The following EEIG2 variants were observed in gnomAD, a reference collection of about 807,000 sequenced individuals.
The protein encoded by EEIG2 is EEIG family member 2.
the EEIG2 span, chr1:108,560,129 G>GGCGGCGGCGGCA: frequency 5.8e-6 from 1 of 172,912 alleles, no homozygotes; most frequent in African/African-American, 2.6e-5. Flanking sequence ...CGGAGGCGGC[G>GGCGGCGGCGGCA]GCGGCGGCGG....
chr1:108,620,710 G>A, the EEIG2 span, among the ~76,000 whole-genome samples: 1 of 152,110 alleles, frequency 6.6e-6, no homozygotes, highest in Admixed American at 6.6e-5. Context: ...CCATATTTTT[G>A]AGTGAGGACA....
the EEIG2 span, among the ~76,000 whole-genome samples, chr1:108,585,111 G>A: frequency 3.9e-5 from 6 of 152,036 alleles, no homozygotes; most frequent in African/African-American, 9.7e-5. Context: ...TGTAACTTCC[G>A]TCATTATGCT....
At chr1:108,624,581 A>G in the EEIG2 span, 204 of 1,434,938 alleles carry the variant, frequency 1.4e-4, 1 homozygote, top group Non-Finnish European at 1.6e-4. Context: ...AAGCTCACCA[A>G]TCAATAACTA....
At chr1:108,576,695 A>G in the EEIG2 span, among the ~76,000 whole-genome samples, 3,476 of 147,464 alleles carry the variant, frequency 0.024, 46 homozygotes, top group Non-Finnish European at 0.036. Context: ...CCAGTCTATC[A>G]TTGTTGGACA....
At chr1:108,595,651 A>C in the EEIG2 span, among the ~76,000 whole-genome samples, 1 of 144,978 alleles carries the variant, frequency 6.9e-6, no homozygotes, top group Non-Finnish European at 1.5e-5. Flanking sequence ...AAGATGTAAT[A>C]GCTTTTACAT....
At chr1:108,574,431 G>A in the EEIG2 span, among the ~76,000 whole-genome samples, 1 of 152,174 alleles carries the variant, frequency 6.6e-6, no homozygotes, top group Non-Finnish European at 1.5e-5. Flanking sequence ...CTGGACATTG[G>A]ACACTACTGA....
At chr1:108,563,682 A>G in the EEIG2 span, among the ~76,000 whole-genome samples, 1 of 152,182 alleles carries the variant, frequency 6.6e-6, no homozygotes, top group Non-Finnish European at 1.5e-5. Context: ...TTGGCCAAGT[A>G]TTAGTTGAGC....
At chr1:108,580,109 G>A in the EEIG2 span, among the ~76,000 whole-genome samples, 7 of 151,966 alleles carry the variant, frequency 4.6e-5, no homozygotes, top group Admixed American at 1.3e-4. Context: ...ATATCTCTAG[G>A]TCACTTTTTG....
At chr1:108,598,968 C>G in the EEIG2 span, among the ~76,000 whole-genome samples, 121,912 of 151,816 alleles carry the variant, frequency 0.8, 51,446 homozygotes, top group Non-Finnish European at 0.93. Context: ...GAGTTTCAGA[C>G]CAGCCTGGAT....
the EEIG2 span, among the ~76,000 whole-genome samples, chr1:108,633,421 A>G: frequency 6.6e-6 from 1 of 152,104 alleles, no homozygotes; most frequent in Non-Finnish European, 1.5e-5. Flanking sequence ...CTGAGTAGCT[A>G]GGACTACAGG....
At chr1:108,603,873 C>T in the EEIG2 span, among the ~76,000 whole-genome samples, 1 of 152,124 alleles carries the variant, frequency 6.6e-6, no homozygotes, top group Non-Finnish European at 1.5e-5. Context: ...GATTTAACAG[C>T]AGGTTTACCA....
the EEIG2 span, among the ~76,000 whole-genome samples, chr1:108,564,568 T>A: frequency 6.6e-6 from 1 of 152,216 alleles, no homozygotes. Context: ...TTCTTAGATG[T>A]TGTCTATTGG....
At chr1:108,581,214 C>G in the EEIG2 span, among the ~76,000 whole-genome samples, 1 of 146,176 alleles carries the variant, frequency 6.8e-6, no homozygotes, top group African/African-American at 2.7e-5. Context: ...ACCTACTGCT[C>G]AGAAAAAAAA....
the EEIG2 span, among the ~76,000 whole-genome samples, chr1:108,573,631 A>G: frequency 2.0e-5 from 3 of 152,238 alleles, no homozygotes; most frequent in African/African-American, 7.2e-5. Context: ...CATATATTTC[A>G]TAAGAGATTG....
the EEIG2 span, among the ~76,000 whole-genome samples, chr1:108,563,551 C>G: frequency 2.6e-5 from 4 of 152,040 alleles, no homozygotes; most frequent in African/African-American, 9.7e-5. Flanking sequence ...TAGAGGCACA[C>G]AGAAAATTGC....
At chr1:108,638,501 G>C in the EEIG2 span, 2 of 152,222 alleles carry the variant, frequency 1.3e-5, no homozygotes, top group Non-Finnish European at 2.9e-5. Flanking sequence ...ACTCTGAAGT[G>C]TCAGGCTTCC....
the EEIG2 span, among the ~76,000 whole-genome samples, chr1:108,576,923 A>T: frequency 6.6e-6 from 1 of 151,922 alleles, no homozygotes; most frequent in Non-Finnish European, 1.5e-5. Flanking sequence ...ACAGTGTAAG[A>T]GTGTTCCTAT....
the EEIG2 span, chr1:108,600,507 G>T: frequency 1.1e-5 from 18 of 1,578,932 alleles, no homozygotes; most frequent in Non-Finnish European, 1.6e-5. Context: ...GTATGGGTGT[G>T]CTTTTTAACA....
At chr1:108,576,506 C>T in the EEIG2 span, among the ~76,000 whole-genome samples, 2 of 133,642 alleles carry the variant, frequency 1.5e-5, no homozygotes, top group Admixed American at 7.9e-5. Flanking sequence ...TCCATGTGAT[C>T]TCATTGTTCA....
Sources: allele counts gnomAD v4.1 joint callset (sites outside exome capture counted in the v4.1 genomes callset), GRCh38; gene constraint gnomAD v4.1.1; transcripts MANE v1.5; gene names NCBI Gene and HGNC (gene_info 2026-07-23, HGNC 2026-07-21).